The following DMTF1 variants were observed in gnomAD, a reference collection of about 807,000 sequenced individuals.
DMTF1 encodes cyclin D binding myb like transcription factor 1, also known as cyclin-D-binding Myb-like transcription factor 1.
Under a neutral mutation model 91.1 loss-of-function variants are expected in DMTF1, and 39 were observed. The observed-to-expected ratio is 0.43, with a 90% CI of 0.33 to 0.56. DMTF1 has a LOEUF of 0.56. Among genes scored for constraint, DMTF1 ranks in the 20% least tolerant of loss-of-function variants. The pLI is 0.05. For synonymous variants in DMTF1, 338 were observed against 309.5 expected (o/e 1.09, Z -0.97); for missense variants, 750 against 914.5 (o/e 0.82, Z 2.32).
chr7:87,194,248 G>A, intron 16 of DMTF1, 146 bp downstream of exon 16: 1 of 832,732 alleles, frequency 1.2e-6, no homozygotes, highest in Non-Finnish European at 1.8e-6. Flanking sequence ...GGCAGAAATG[G>A]GCAGGCAGTG....
At chr7:87,156,122 TCA>T (rs1183379807) in intron 1 of DMTF1, among the ~76,000 whole-genome samples, 3 of 152,190 alleles carry the variant, frequency 2.0e-5, no homozygotes, top group East Asian at 1.9e-4. Flanking sequence ...AGAAAAGTAC[TCA>T]GTTTTGAAAG....
chr7:87,177,798 A>G (rs1402604313), intron 7 of DMTF1, among the ~76,000 whole-genome samples: 1 of 150,486 alleles, frequency 6.6e-6, no homozygotes, highest in Non-Finnish European at 1.5e-5. Context: ...CTAATTCCTA[A>G]TTTACAGTGT....
At chr7:87,174,768 CT>C in intron 7 of DMTF1, 99 bp downstream of exon 7, 1 of 667,864 alleles carries the variant, frequency 1.5e-6, no homozygotes, top group East Asian at 2.9e-5. Context: ...GAGCTTTTTA[CT>C]TATTTTTGTA....
chr7:87,187,843 C>T, intron 12 of DMTF1: 1 of 488,210 alleles, frequency 2.0e-6, no homozygotes, highest in Admixed American at 3.6e-5. Flanking sequence ...TAATGTCTAC[C>T]TTTTTTTAAC....
chr7:87,184,365 CA>C, intron 10 of DMTF1, 31 bp from the exon 11 acceptor site: 1 of 1,584,088 alleles, frequency 6.3e-7, no homozygotes, highest in Non-Finnish European at 8.6e-7. Flanking sequence ...AAGAAGTTAG[CA>C]GTGGTAGTCT....
chr7:87,190,329 G>C (rs1799463078), intron 13 of DMTF1, among the ~76,000 whole-genome samples: 1 of 151,900 alleles, frequency 6.6e-6, no homozygotes, highest in African/African-American at 2.4e-5. Context: ...CTGAACATTA[G>C]TTTATAAAGT....
intron 14 of DMTF1, chr7:87,192,956 C>T (rs1310498155): frequency 6.9e-6 from 3 of 437,462 alleles, no homozygotes; most frequent in Non-Finnish European, 1.2e-5. Context: ...GCTCATACAA[C>T]TGTCTTGGTG....
intron 1 of DMTF1, chr7:87,163,115 AGT>A (rs1792910389): frequency 6.6e-6 from 1 of 152,112 alleles, no homozygotes; most frequent in Non-Finnish European, 1.5e-5. Context: ...GGAAAACTAT[AGT>A]TACTAATAAT....
chr7:87,162,135 C>T (rs573188907), intron 1 of DMTF1, among the ~76,000 whole-genome samples: 6 of 152,240 alleles, frequency 3.9e-5, no homozygotes, highest in African/African-American at 1.2e-4. Context: ...GACAGGTTCT[C>T]GCTCTCACCC....
chr7:87,157,099 C>T (rs1790935999), intron 1 of DMTF1, among the ~76,000 whole-genome samples: 1 of 152,020 alleles, frequency 6.6e-6, no homozygotes, highest in Non-Finnish European at 1.5e-5. Context: ...AATGATTTTT[C>T]TTATACTGTA....
intron 9 of DMTF1, 26 bp downstream of exon 9, chr7:87,181,367 A>G: frequency 8.6e-7 from 1 of 1,156,928 alleles, no homozygotes; most frequent in South Asian, 1.3e-5. Flanking sequence ...TTTTTCATTA[A>G]TTCTAATTTT....
chr7:87,167,301 A>G (rs1341158173), intron 4 of DMTF1, among the ~76,000 whole-genome samples: 2 of 152,194 alleles, frequency 1.3e-5, no homozygotes, highest in East Asian at 1.9e-4. Context: ...AGGAGGTACA[A>G]TATTTCAAGT....
At chr7:87,154,787 AG>A (rs1790244992) in intron 1 of DMTF1, among the ~76,000 whole-genome samples, 1 of 152,012 alleles carries the variant, frequency 6.6e-6, no homozygotes, top group African/African-American at 2.4e-5. Context: ...TCAATCCTTT[AG>A]TTATCTCATT....
chr7:87,186,056 T>G, intron 12 of DMTF1, 76 bp downstream of exon 12: 2 of 1,512,794 alleles, frequency 1.3e-6, no homozygotes, highest in Admixed American at 3.4e-5. Flanking sequence ...AGGTTAGAAG[T>G]TCTTTGCCCC....
chr7:87,184,515 C>T lies in DMTF1; in HGVS notation c.939C>T (p.Val313=), dbSNP rs11974238. 31 of 1,613,784 alleles carry T rather than the reference C, an allele frequency of 1.9e-5. 1 individual carries two copies. The highest frequency in any genetic ancestry group is 8.8e-5 in the South Asian group (8 of 91,062). Residue 313 remains valine, a synonymous_variant, in exon 11 of 18, where the codon GTC becomes GTT. Coordinates refer to ENST00000331242, the MANE Select transcript of DMTF1 (RefSeq NM_001142327.2). The part of the protein sequence containing the change: ...GVSWAAVAER[V]GTRSEKQCRS... ...CTTGGGCAGCTGTGGCTGAACGAGTCGGTACCCGCTCAGAAAAGCAATGTC... is the reference window on the plus strand; with the variant it reads ...CTTGGGCAGCTGTGGCTGAACGAGTTGGTACCCGCTCAGAAAAGCAATGTC...
chr7:87,184,481 A>T lies in DMTF1; in HGVS notation c.905A>T (p.Gln302Leu), dbSNP rs1279644403. ...ACTGAGCCAGGTGACATAGTCACAC[A>T]GGGTGTGTCTTGGGCAGCTGTGGCT... ...TSTEPGDIVT[Q>L]GVSWAAVAER... The change falls in exon 11 of 18, where the codon CAG becomes CTG. Residue 302 changes from glutamine to leucine, a missense_variant. Coordinates refer to ENST00000331242, the MANE Select transcript of DMTF1 (RefSeq NM_001142327.2). 6.2e-7 allele frequency: 1 copy of T among 1,613,904 alleles called. No homozygotes were observed. The highest frequency in any genetic ancestry group is 8.5e-7 in the Non-Finnish European group (1 of 1,179,960).
Position 87,166,198 on chromosome 7 carries a change from T to C in DMTF1, c.110-285T>C, listed in dbSNP as rs11983532. Among the ~76,000 whole-genome samples, 1,071 of 152,330 alleles carry C rather than the reference T, an allele frequency of 7.0e-3. 13 individuals are homozygous for C. Among genetic ancestry groups the C allele is most frequent in the African/African-American group, 0.025 (1,024 of 41,574 alleles). On this transcript the variant is annotated intron_variant, in intron 3 of 17. Coordinates refer to ENST00000331242, the MANE Select transcript of DMTF1 (RefSeq NM_001142327.2). ...ATACCTTAAGCTTCTCATACGTCTG[T>C]GTCATTGCACATATTGCTTCTACTG...
chr7:87,156,534 C>T (rs987290410), intron 1 of DMTF1, among the ~76,000 whole-genome samples: 1 of 152,120 alleles, frequency 6.6e-6, no homozygotes, highest in South Asian at 2.1e-4. Flanking sequence ...ACAAATCCCA[C>T]GGGGCCTGGC....
At chr7:87,175,341 A>C (rs1365072970) in intron 7 of DMTF1, among the ~76,000 whole-genome samples, 1 of 152,122 alleles carries the variant, frequency 6.6e-6, no homozygotes, top group Non-Finnish European at 1.5e-5. Context: ...TCTTTGAATG[A>C]ATTTTTGATG....
Sources: gnomAD v4.1 joint callset for allele counts (sites outside exome capture counted in the v4.1 genomes callset) on GRCh38, gnomAD v4.1.1 for gene constraint, MANE v1.5 for transcripts, NCBI Gene and HGNC (gene_info 2026-07-23, HGNC 2026-07-21) for gene names.